The following ALG12 variants were observed in gnomAD, a reference collection of about 807,000 sequenced individuals.
The protein encoded by ALG12 is dol-P-Man:Man(7)GlcNAc(2)-PP-Dol alpha-1,6-mannosyltransferase.
A neutral mutation model predicts 46.0 loss-of-function variants in ALG12; 36 were observed. The ratio of observed to expected loss-of-function variants is 0.78; its 90% CI spans 0.60 to 1.03. The LOEUF is 1.03. Among genes scored for constraint, ALG12 ranks in the 50% least tolerant of loss-of-function variants. ALG12 has a pLI of 0.00. For missense variants in ALG12, 599 were observed against 633.5 expected (o/e 0.95, Z 0.58); for synonymous variants, 326 against 291.6 (o/e 1.12, Z -1.20).
chr22:49,891,416 C>T, the ALG12 span, among the ~76,000 whole-genome samples: 1 of 152,164 alleles, frequency 6.6e-6, no homozygotes, highest in Non-Finnish European at 1.5e-5. Flanking sequence ...TTCTGTTAAT[C>T]GTCAGTCCTC....
the ALG12 span, among the ~76,000 whole-genome samples, chr22:49,882,606 CT>C: frequency 6.6e-6 from 1 of 152,254 alleles, no homozygotes; most frequent in Admixed American, 6.5e-5. Context: ...GCTCCTGCCC[CT>C]GTTCTCCGTC....
intron 3 of ALG12, among the ~76,000 whole-genome samples, chr22:49,912,114 G>A (rs934649685): frequency 2.0e-5 from 3 of 151,012 alleles, no homozygotes; most frequent in African/African-American, 7.3e-5. Flanking sequence ...TCGGCCCCGG[G>A]ATCAGCCTGG....
Position 49,904,327 on chromosome 22 carries a change from C to A in ALG12, c.1162+10G>T. ...CACAGCAGTCCCCAGGCAGTGCCCC[C>A]AGCACCCACCTGTCTGGGGGGGCAC... On this transcript the variant is annotated intron_variant, in intron 8 of 9. Coordinates refer to ENST00000330817, the MANE Select transcript of ALG12 (RefSeq NM_024105.4). 1 of 1,614,174 alleles carries A rather than the reference C, an allele frequency of 6.2e-7. No individual in the cohort carries two copies.
the ALG12 span, among the ~76,000 whole-genome samples, chr22:49,872,511 C>T: frequency 1.3e-5 from 2 of 152,060 alleles, no homozygotes; most frequent in Non-Finnish European, 2.9e-5. Flanking sequence ...TTTTCCCGTC[C>T]CAGGAATCAC....
chr22:49,862,502 T>C, the ALG12 span, among the ~76,000 whole-genome samples: 1 of 152,074 alleles, frequency 6.6e-6, no homozygotes, highest in Non-Finnish European at 1.5e-5. Context: ...TAATGAGTCA[T>C]ATGATAAGAT....
the ALG12 span, chr22:49,887,299 C>T: frequency 3.3e-5 from 35 of 1,058,188 alleles, no homozygotes; most frequent in Admixed American, 7.9e-5. Context: ...CTCTCAGGGC[C>T]GCTCTCCAGC....
At chr22:49,873,171 G>A in the ALG12 span, among the ~76,000 whole-genome samples, 4 of 152,220 alleles carry the variant, frequency 2.6e-5, no homozygotes, top group African/African-American at 9.7e-5. Context: ...CGTCTTGGCT[G>A]TTGGTACAAG....
chr22:49,860,431 A>C, the ALG12 span, among the ~76,000 whole-genome samples: 31 of 152,388 alleles, frequency 2.0e-4, no homozygotes, highest in East Asian at 4.0e-3. Context: ...ATGTGCATAC[A>C]GTAGGTTGTA....
At chr22:49,909,026 C>T (rs2079660498) in intron 6 of ALG12, among the ~76,000 whole-genome samples, 1 of 152,024 alleles carries the variant, frequency 6.6e-6, no homozygotes, top group African/African-American at 2.4e-5. Context: ...GGGCTGTTTC[C>T]AGCCCTCAGG....
rs1384265959 is a variant in ALG12, at chr22:49,900,810, T to C, written c.*3028A>G. The C allele has an allele frequency of 1.3e-5, 2 of 152,260 alleles. No homozygotes were observed. The highest frequency in any genetic ancestry group is 3.8e-4 in the East Asian group (2 of 5,198). 9.4% of individuals were successfully genotyped at this position (152,260 alleles called of 1,614,324 possible). On this transcript the variant is annotated 3_prime_UTR_variant, in exon 10 of 10. Coordinates refer to ENST00000330817, the MANE Select transcript of ALG12 (RefSeq NM_024105.4). ...CAGATCTGTACACACATATTACATA[T>C]GTACGTGTGCAACTGCACGCAGCAT...
At chr22:49,880,516 C>T in the ALG12 span, among the ~76,000 whole-genome samples, 1 of 152,220 alleles carries the variant, frequency 6.6e-6, no homozygotes, top group African/African-American at 2.4e-5. Flanking sequence ...CCCTCTTTAG[C>T]TTTCACACTT....
intron 3 of ALG12, among the ~76,000 whole-genome samples, chr22:49,911,289 G>C (rs899298017): frequency 6.6e-6 from 1 of 152,258 alleles, no homozygotes; most frequent in Non-Finnish European, 1.5e-5. Flanking sequence ...GGTCCAGGCA[G>C]CTGTGGGGGC....
chr22:49,870,972 A>C, the ALG12 span, among the ~76,000 whole-genome samples: 20 of 144,330 alleles, frequency 1.4e-4, no homozygotes, highest in South Asian at 4.4e-3. Context: ...ATGGAGTCTC[A>C]CTCTGTTACC....
the ALG12 span, among the ~76,000 whole-genome samples, chr22:49,872,704 A>ATT: frequency 1.4e-5 from 2 of 144,204 alleles, no homozygotes; most frequent in Non-Finnish European, 1.5e-5. Context: ...TAATTTTTAA[A>ATT]TTTTTTTTTT....
the ALG12 span, among the ~76,000 whole-genome samples, chr22:49,862,803 G>A: frequency 7.0e-6 from 1 of 142,554 alleles, no homozygotes; most frequent in Non-Finnish European, 1.5e-5. Flanking sequence ...TTGGGTTCAA[G>A]CAATTCTCCT....
rs1353297597 is a variant in ALG12 at position 49,918,344 on chromosome 22, A to T, written c.-160T>A. ...GGAAGCAGGACGGCGGAAACAGAAC[A>T]GAGCCCGAATCTAAAGTCCTTGCCC... On this transcript the variant is annotated 5_prime_UTR_variant, in exon 1 of 10. Transcript: ENST00000330817. The T allele has an allele frequency of 3.6e-4, 33 of 91,950 alleles. 1 individual carries two copies. Among genetic ancestry groups the T allele is most frequent in the Admixed American group, 3.1e-3 (33 of 10,726 alleles). The allele number at this position is 91,950 out of a possible 1,614,324, so 5.7% of individuals were successfully genotyped here. A position where few individuals can be genotyped will look rare whatever the true frequency, so the allele number is the denominator to read the frequency against.
chr22:49,884,607 G>C, the ALG12 span: 4 of 1,612,534 alleles, frequency 2.5e-6, no homozygotes, highest in African/African-American at 4.0e-5. Context: ...AGTTCAGCCG[G>C]GGGAAGAATG....
the ALG12 span, among the ~76,000 whole-genome samples, chr22:49,874,431 G>A: frequency 3.0e-4 from 46 of 151,136 alleles, no homozygotes; most frequent in African/African-American, 1.1e-3. Context: ...TATCTCCCAG[G>A]CTGGAGTGCA....
chr22:49,886,486 G>T, the ALG12 span: 21 of 1,568,866 alleles, frequency 1.3e-5, no homozygotes, highest in East Asian at 3.6e-4. The surrounding 1 kb of genome is among the most constrained non-coding windows in gnomAD (Gnocchi z 7.7). Flanking sequence ...GCCCTTCGAG[G>T]CTGCGAGCCG....
Sources: allele counts gnomAD v4.1 joint callset (sites outside exome capture counted in the v4.1 genomes callset), GRCh38; gene constraint gnomAD v4.1.1; non-coding constraint Gnocchi (gnomAD v3.1); transcripts MANE v1.5; gene names NCBI Gene and HGNC (gene_info 2026-07-23, HGNC 2026-07-21).